LRRC9: variants seen among roughly 807,000 people sequenced by gnomAD.
LRRC9 encodes leucine-rich repeat-containing protein 9.
LRRC9 carries 122 observed loss-of-function variants against 63.2 expected under a neutral mutation model. The observed-to-expected ratio is 1.93, with a 90% confidence interval of 1.67 to 2.24. The LOEUF (loss-of-function observed/expected upper bound fraction) is 2.24. Ranked by LOEUF, LRRC9 falls within the 30% of genes most tolerant of loss-of-function variation. LRRC9 has a pLI of 0.00. For missense variants in LRRC9, 1,071 were observed against 627.7 expected, an observed-to-expected ratio of 1.71 and a Z score of -7.55; for synonymous variants, 366 against 213.1, an observed-to-expected ratio of 1.72 and a Z score of -6.25.
chr14:59,985,419 G>T (rs907153017), intron 17 of LRRC9, among the ~76,000 whole-genome samples, 195 bp downstream of exon 17: 10 of 152,102 alleles, frequency 6.6e-5, no homozygotes, highest in African/African-American at 1.9e-4. Flanking sequence ...ATTTGATTGT[G>T]GTAATCATTA....
intron 29 of LRRC9, among the ~76,000 whole-genome samples, chr14:60,049,141 A>G (rs1893684153): frequency 6.6e-6 from 1 of 152,198 alleles, no homozygotes; most frequent in South Asian, 2.1e-4. Context: ...CCTCAAAATA[A>G]TAAGAGCCAT....
At chr14:59,928,482 T>C in exon 3 of LRRC9, 1 of 666,940 alleles carries the variant, frequency 1.5e-6, no homozygotes. Context: ...GAGTGCTGCA[T>C]AGAGGTAAGT....
intron 27 of LRRC9, among the ~76,000 whole-genome samples, chr14:60,023,101 T>C (rs1364549316): frequency 6.6e-6 from 1 of 152,014 alleles, no homozygotes; most frequent in African/African-American, 2.4e-5. Flanking sequence ...CATAATTTAC[T>C]TGTATATCGT....
chr14:59,925,351 G>T lies in LRRC9; in HGVS notation c.-33-2560G>T, dbSNP rs549631533. 3.9e-5 allele frequency among the ~76,000 whole-genome samples: 6 copies of T among 152,264 alleles called. No homozygotes were observed. In the South Asian group the frequency reaches 1.2e-3, roughly 32 times the overall value. Reference sequence around the variant, plus strand: ...ATCAGCATCTGGTGTCTGCTTCCACGATGATGCCTTGAAGTCTGCCTCCTC... The same window carrying T: ...ATCAGCATCTGGTGTCTGCTTCCACTATGATGCCTTGAAGTCTGCCTCCTC... On this transcript the variant is annotated intron_variant, in intron 1 of 31. Coordinates refer to ENST00000445360, the Ensembl canonical transcript of LRRC9.
At chr14:59,979,771 A>G (rs1483248425) in intron 15 of LRRC9, among the ~76,000 whole-genome samples, 1 of 141,950 alleles carries the variant, frequency 7.0e-6, no homozygotes, top group Non-Finnish European at 1.5e-5. Context: ...GAACAATGAG[A>G]ACACATGGAC....
rs1388951976 is a variant in LRRC9, at chr14:60,003,916, T to C, written c.2842+118T>C. The C allele has an allele frequency of 3.9e-6, 2 of 513,422 alleles. No individual in the cohort carries two copies. Among genetic ancestry groups the C allele is most frequent in the Non-Finnish European group, 6.8e-6 (2 of 294,524 alleles). 31.8% of individuals were successfully genotyped at this position (513,422 alleles called of 1,614,324 possible). A position where few individuals can be genotyped will look rare whatever the true frequency, so the allele number is the denominator to read the frequency against. ...AGATCTCTAGGAAAGTTCCAAGTTT[T>C]TGTGGCAGGGTATTCTAAATACCTG... On this transcript the variant is annotated intron_variant, in intron 21 of 31. Coordinates refer to ENST00000445360, the Ensembl canonical transcript of LRRC9. The surrounding 1 kb of genome is among the most constrained non-coding windows in gnomAD (Gnocchi z 4.2).
intron 17 of LRRC9, among the ~76,000 whole-genome samples, chr14:59,989,710 T>C (rs1887852273): frequency 1.3e-5 from 2 of 152,160 alleles, no homozygotes; most frequent in Non-Finnish European, 1.5e-5. Flanking sequence ...ACTCCCACCA[T>C]AGCTTTGTCT....
intron 1 of LRRC9, among the ~76,000 whole-genome samples, chr14:59,920,885 T>C (rs956554878): frequency 2.0e-5 from 3 of 152,208 alleles, no homozygotes; most frequent in African/African-American, 7.2e-5. Flanking sequence ...AACTAGCATG[T>C]GCCAGACAGT....
At chr14:60,054,694 G>T (rs541583298) in intron 30 of LRRC9, among the ~76,000 whole-genome samples, 2 of 152,058 alleles carry the variant, frequency 1.3e-5, no homozygotes, top group Non-Finnish European at 2.9e-5. Flanking sequence ...TTCATCAAAA[G>T]ATTGATGAAT....
intron 23 of LRRC9, among the ~76,000 whole-genome samples, chr14:60,013,886 G>A (rs775174813): frequency 1.4e-4 from 21 of 152,088 alleles, no homozygotes; most frequent in Non-Finnish European, 2.2e-4. Flanking sequence ...ATTGATGAAC[G>A]AAGACCATTT....
At chr14:60,001,998 G>C in exon 20 of LRRC9, 3 of 698,914 alleles carry the variant, frequency 4.3e-6, no homozygotes, top group Non-Finnish European at 7.8e-6. Flanking sequence ...GTACTAAAGA[G>C]GAGAGACCAC....
chr14:60,036,979 T>C (rs1393423663), intron 29 of LRRC9, among the ~76,000 whole-genome samples: 1 of 152,126 alleles, frequency 6.6e-6, no homozygotes, highest in African/African-American at 2.4e-5. Context: ...AGTGTTTTCA[T>C]TGCTCAATTC....
rs143317789 is a variant in LRRC9, at chr14:60,007,180, G to A, written c.3063+563G>A. On this transcript the variant is annotated intron_variant, in intron 22 of 31. Coordinates refer to ENST00000445360, the Ensembl canonical transcript of LRRC9. ...CCTTTTGCTGATACAATATTACTAG[G>A]ACTTTATCTCCTACCAAAAACTTGT... Among the ~76,000 whole-genome samples, 561 of 152,152 alleles carry A rather than the reference G, an allele frequency of 3.7e-3. 2 individuals are homozygous for A. Among genetic ancestry groups the A allele is most frequent in the Admixed American group, 7.1e-3 (108 of 15,272 alleles).
chr14:59,995,366 A>C (rs1269422411), intron 17 of LRRC9, among the ~76,000 whole-genome samples: 1 of 152,138 alleles, frequency 6.6e-6, no homozygotes, highest in African/African-American at 2.4e-5. Flanking sequence ...TCTAGATAAC[A>C]ATTACAATTC....
intron 27 of LRRC9, among the ~76,000 whole-genome samples, chr14:60,026,040 G>T (rs971240063): frequency 2.0e-5 from 3 of 152,042 alleles, no homozygotes; most frequent in Non-Finnish European, 4.4e-5. Flanking sequence ...AGTAGAGAAA[G>T]ATCAGCTTGT....
chr14:60,052,669 T>C lies in LRRC9; in HGVS notation c.3991-396T>C, dbSNP rs999651851. On this transcript the variant is annotated intron_variant, in intron 29 of 31. Coordinates refer to ENST00000445360, the Ensembl canonical transcript of LRRC9. ...ATCCCTCTCAAATTTTTAGAGTAGGTTGATACTATGAAGAGATGGATCATG... is the reference window on the plus strand; with the variant it reads ...ATCCCTCTCAAATTTTTAGAGTAGGCTGATACTATGAAGAGATGGATCATG... Among the ~76,000 whole-genome samples, 9 of 152,232 alleles carry C rather than the reference T, an allele frequency of 5.9e-5. No individual in the cohort carries two copies. In the South Asian group the frequency reaches 8.3e-4, roughly 14 times the overall value.
chr14:59,975,853 C>T (rs536245636), intron 13 of LRRC9, among the ~76,000 whole-genome samples: 2 of 152,168 alleles, frequency 1.3e-5, no homozygotes, highest in Non-Finnish European at 2.9e-5. Context: ...GCAGGGTCTC[C>T]AACCCCTGCC....
intron 20 of LRRC9, among the ~76,000 whole-genome samples, chr14:60,002,978 T>G (rs1442311147): frequency 6.6e-6 from 1 of 152,144 alleles, no homozygotes; most frequent in Non-Finnish European, 1.5e-5. Context: ...GGGAAAAGGT[T>G]ATAGAACACT....
intron 23 of LRRC9, among the ~76,000 whole-genome samples, chr14:60,012,979 T>C (rs900831553): frequency 1.3e-5 from 2 of 151,582 alleles, no homozygotes; most frequent in African/African-American, 2.4e-5. Flanking sequence ...ATTATTATAC[T>C]TTAAGTTTTA....
Sources: gnomAD v4.1 joint callset for allele counts (sites outside exome capture counted in the v4.1 genomes callset) on GRCh38, gnomAD v4.1.1 for gene constraint, Gnocchi (gnomAD v3.1) non-coding constraint, MANE v1.5 for transcripts, NCBI Gene and HGNC (gene_info 2026-07-23, HGNC 2026-07-21) for gene names.